The following LRBA variants were observed in gnomAD, a reference collection of about 807,000 sequenced individuals.
LRBA encodes lipopolysaccharide-responsive and beige-like anchor protein.
Under a neutral mutation model 330.0 loss-of-function variants are expected in LRBA, and 176 were observed. That is an observed-to-expected ratio of 0.53 (90% CI 0.47 to 0.60). The LOEUF (loss-of-function observed/expected upper bound fraction) is 0.60. LRBA is among the 20% of genes least tolerant of loss of function. The probability of loss-of-function intolerance (pLI) is 0.00; values close to 1 mark genes in which losing one functional copy is unlikely to be tolerated. For synonymous variants in LRBA, 1,230 were observed against 1,193.0 expected (o/e 1.03, Z -0.64); for missense variants, 3,259 against 3,444.8 (o/e 0.95, Z 1.35).
intron 37 of LRBA, among the ~76,000 whole-genome samples, chr4:150,645,535 A>G (rs1284842964): frequency 6.6e-6 from 1 of 151,996 alleles, no homozygotes; most frequent in Non-Finnish European, 1.5e-5. Context: ...ATACTGATGC[A>G]AGGGCAAAGG....
intron 31 of LRBA, among the ~76,000 whole-genome samples, chr4:150,809,857 TACGATA>T (rs1743375676): frequency 1.5e-4 from 2 of 13,472 alleles, no homozygotes; most frequent in Admixed American, 1.5e-3. Context: ...TAAAATACGA[TACGATA>T]CGATACGATA....
intron 37 of LRBA, among the ~76,000 whole-genome samples, chr4:150,616,419 C>G (rs1775775098): frequency 6.6e-6 from 1 of 151,736 alleles, no homozygotes; most frequent in South Asian, 2.1e-4. Flanking sequence ...CTCATATTGG[C>G]AGTAAGAAGA....
At chr4:150,493,249 G>A (rs1759181847) in intron 40 of LRBA, among the ~76,000 whole-genome samples, 2 of 152,164 alleles carry the variant, frequency 1.3e-5, no homozygotes, top group Non-Finnish European at 1.5e-5. Context: ...CTCCCAAAGT[G>A]CTGGGATTAT....
intron 40 of LRBA, among the ~76,000 whole-genome samples, chr4:150,531,933 T>C (rs569478192): frequency 1.3e-5 from 2 of 152,328 alleles, no homozygotes; most frequent in Admixed American, 1.3e-4. Flanking sequence ...ATCATTTAAA[T>C]ATAAATGAAA....
intron 48 of LRBA, among the ~76,000 whole-genome samples, chr4:150,337,700 C>A (rs1734937974): frequency 6.6e-6 from 1 of 152,098 alleles, no homozygotes. Flanking sequence ...ATTGTGGCTG[C>A]ATGAAATCTT....
intron 47 of LRBA, among the ~76,000 whole-genome samples, chr4:150,410,732 T>C (rs1746869478): frequency 6.6e-6 from 1 of 152,174 alleles, no homozygotes; most frequent in Non-Finnish European, 1.5e-5. Context: ...ACCCAATAAA[T>C]ACATGTTAAA....
chr4:150,454,004 G>C (rs2884894), intron 44 of LRBA, among the ~76,000 whole-genome samples: 132,354 of 152,022 alleles, frequency 0.87, 58,631 homozygotes, highest in Non-Finnish European at 0.96. Context: ...CACTGTTACC[G>C]AGGCTGGAGG....
intron 43 of LRBA, among the ~76,000 whole-genome samples, chr4:150,469,305 G>T (rs892644475): frequency 6.6e-6 from 1 of 152,008 alleles, no homozygotes; most frequent in Admixed American, 6.6e-5. Context: ...GAAATCTTAA[G>T]TGAGACTTAA....
chr4:150,990,837 G>A (rs940429192), intron 2 of LRBA, among the ~76,000 whole-genome samples: 14 of 152,062 alleles, frequency 9.2e-5, no homozygotes, highest in African/African-American at 1.4e-4. Flanking sequence ...TGGCCAACAC[G>A]GCAAAACTCT....
chr4:150,919,222 G>A (rs1261502983), intron 5 of LRBA, among the ~76,000 whole-genome samples: 1 of 152,146 alleles, frequency 6.6e-6, no homozygotes, highest in Non-Finnish European at 1.5e-5. Context: ...ATGGGGAGTG[G>A]CTGCTAATCA....
intron 34 of LRBA, among the ~76,000 whole-genome samples, chr4:150,791,618 C>G (rs182816953): frequency 6.6e-6 from 1 of 152,188 alleles, no homozygotes. Flanking sequence ...TTGAACTGAG[C>G]CTGATTGACC....
chr4:150,937,646 T>C (rs1735223100), intron 2 of LRBA, among the ~76,000 whole-genome samples: 1 of 152,154 alleles, frequency 6.6e-6, no homozygotes, highest in South Asian at 2.1e-4. Context: ...AGTCTTGGCC[T>C]GAACTTCATA....
chr4:150,663,314 G>A (rs1384426101), intron 37 of LRBA, among the ~76,000 whole-genome samples: 1 of 151,972 alleles, frequency 6.6e-6, no homozygotes, highest in African/African-American at 2.4e-5. Context: ...AGGCAAAGGA[G>A]TCTACAGAAG....
chr4:150,897,640 C>G, intron 15 of LRBA, 99 bp downstream of exon 15: 1 of 836,400 alleles, frequency 1.2e-6, no homozygotes, highest in Non-Finnish European at 1.9e-6. Flanking sequence ...TGTGTAACCA[C>G]AGTAACCAAG....
chr4:150,994,128 G>A, intron 2 of LRBA, among the ~76,000 whole-genome samples: 1 of 150,814 alleles, frequency 6.6e-6, no homozygotes, highest in East Asian at 1.9e-4. Flanking sequence ...GAAACAATGT[G>A]ACACTAAAGC....
chr4:150,881,884 C>G (rs765427503), intron 17 of LRBA, among the ~76,000 whole-genome samples: 3 of 152,042 alleles, frequency 2.0e-5, no homozygotes, highest in Non-Finnish European at 4.4e-5. Flanking sequence ...GTCAGGAGCT[C>G]GAGACCAGCC....
chr4:150,913,474 A>C (rs1044202185), intron 9 of LRBA, among the ~76,000 whole-genome samples: 7 of 152,076 alleles, frequency 4.6e-5, no homozygotes, highest in African/African-American at 1.7e-4. Context: ...CCTCAAAAAA[A>C]AGAAGAAGAA....
intron 2 of LRBA, among the ~76,000 whole-genome samples, chr4:150,936,075 CA>C (rs1013496786): frequency 4.5e-4 from 66 of 145,500 alleles, no homozygotes; most frequent in African/African-American, 1.2e-3. Context: ...ATGACACTTG[CA>C]AAAAAAAAAT....
At chr4:150,404,702 C>A (rs1367610239) in intron 47 of LRBA, among the ~76,000 whole-genome samples, 1 of 151,898 alleles carries the variant, frequency 6.6e-6, no homozygotes, top group East Asian at 1.9e-4. Context: ...GATGAGATAC[C>A]CACGGGGAAG....
Sources: allele counts gnomAD v4.1 joint callset (sites outside exome capture counted in the v4.1 genomes callset), GRCh38; gene constraint gnomAD v4.1.1; transcripts MANE v1.5; gene names NCBI Gene and HGNC (gene_info 2026-07-23, HGNC 2026-07-21).